B3GNT7: variants seen among roughly 807,000 people sequenced by gnomAD.
B3GNT7 encodes BGnT-7.
A neutral mutation model predicts 5.1 loss-of-function variants in B3GNT7; 9 were observed. The ratio of observed to expected loss-of-function variants is 1.77; its 90% CI spans 1.07 to 3.09. The LOEUF is 3.09. B3GNT7 is among the 30% of genes most tolerant of loss of function. The pLI, the probability that B3GNT7 is intolerant of heterozygous loss-of-function variation, is 0.00. For synonymous variants in B3GNT7, 253 were observed against 248.6 expected, an observed-to-expected ratio of 1.02 and a Z score of -0.17; for missense variants, 468 against 550.8, an observed-to-expected ratio of 0.85 and a Z score of 1.50.
Position 231,398,647 on chromosome 2 carries a change from G to C in B3GNT7, c.928G>C (p.Ala310Pro). 6.2e-7 allele frequency: 1 copy of C among 1,611,918 alleles called. No individual in the cohort carries two copies. Among genetic ancestry groups the C allele is most frequent in the Non-Finnish European group, 8.5e-7 (1 of 1,179,578 alleles). ...GGGFLMAGSL[A>P]RRLHHACDTL... Reference sequence around the variant, plus strand: ...TGGCTTCCTCATGGCCGGCAGCCTGGCCCGGCGCCTGCACCATGCCTGCGA... The same window carrying C: ...TGGCTTCCTCATGGCCGGCAGCCTGCCCCGGCGCCTGCACCATGCCTGCGA... Residue 310 changes from alanine (A) to proline (P), a missense_variant, in exon 2 of 2, where the codon GCC becomes CCC. Transcript: ENST00000287590.
rs13025087 is a variant in B3GNT7, at chr2:231,400,203, G to T, written c.*1278G>T. On this transcript the variant is annotated 3_prime_UTR_variant, in exon 2 of 2. Coordinates refer to ENST00000287590, the MANE Select transcript of B3GNT7 (RefSeq NM_145236.3). The stretch of plus-strand genomic sequence containing the variant: ...CCAGAGATTTCTGAAGACACAGCTT[G>T]TTCCTTGTTCTTGGCTGGTGGGTGC... 32,670 of 140,940 alleles carry T rather than the reference G, an allele frequency of 0.23. 3,807 individuals are homozygous for T. Among genetic ancestry groups the T allele is most frequent in the Middle Eastern group, 0.37 (96 of 260 alleles). 8.7% of individuals were successfully genotyped at this position (140,940 alleles called of 1,614,324 possible).
At chr2:231,396,210 G>C (rs1291568482) in intron 1 of B3GNT7, among the ~76,000 whole-genome samples, 1 of 151,994 alleles carries the variant, frequency 6.6e-6, no homozygotes, top group Non-Finnish European at 1.5e-5. Context: ...TCCTTCCGCG[G>C]GACCTCGGAC....
intron 1 of B3GNT7, among the ~76,000 whole-genome samples, chr2:231,396,136 C>G (rs1314788702): frequency 2.0e-5 from 3 of 151,916 alleles, no homozygotes; most frequent in Non-Finnish European, 4.4e-5. Context: ...GCAGCTGGGT[C>G]CCCTCTCCCT....
chr2:231,398,233 C>T lies in B3GNT7; in HGVS notation c.514C>T (p.Arg172Cys), dbSNP rs201305904. Residue 172 changes from arginine (R) to cysteine (C), a missense_variant, in exon 2 of 2, where the codon CGC becomes TGC. Coordinates refer to ENST00000287590, the MANE Select transcript of B3GNT7 (RefSeq NM_145236.3). ...CGCGGGTGGGGGCCGAGGCGCCGTG[C>T]GCACCCTCTTCCTGCTGGGCACGGC... Reference protein sequence around the residue: ...QSAGGGRGAVRTLFLLGTASK... With the variant: ...QSAGGGRGAVCTLFLLGTASK... The T allele has an allele frequency of 4.4e-6, 7 of 1,609,058 alleles. No homozygotes were observed. The Admixed American group carries it at 8.4e-5, about 19-fold the overall frequency.
chr2:231,398,284 T>C lies in B3GNT7; in HGVS notation c.565T>C (p.Tyr189His). The change falls in exon 2 of 2, where the codon TAC becomes CAC. Residue 189 changes from tyrosine to histidine, a missense_variant. By Grantham distance (83) the Tyr-to-His change is moderately conservative. Transcript: ENST00000287590. ...TASKQEERTHYQQLLAYEDRL... is the reference protein window; with the variant it reads ...TASKQEERTHHQQLLAYEDRL... Reference sequence around the variant, plus strand: ...CTCCAAGCAGGAGGAGCGCACGCACTACCAGCAGCTGCTGGCCTACGAAGA... The same window carrying C: ...CTCCAAGCAGGAGGAGCGCACGCACCACCAGCAGCTGCTGGCCTACGAAGA... 6.2e-7 allele frequency: 1 copy of C among 1,613,018 alleles called. No homozygotes were observed. The highest frequency in any genetic ancestry group is 8.5e-7 in the Non-Finnish European group (1 of 1,179,856).
intron 1 of B3GNT7, among the ~76,000 whole-genome samples, chr2:231,396,804 G>A (rs2046519240): frequency 6.6e-6 from 1 of 152,154 alleles, no homozygotes. Flanking sequence ...TTCAGGACAG[G>A]GGCTCAGGCC....
chr2:231,395,831 G>C lies in B3GNT7; in HGVS notation c.11+17G>C. The C allele has an allele frequency of 8.6e-7, 1 of 1,163,442 alleles. No individual in the cohort carries two copies. 72.1% of individuals were successfully genotyped at this position (1,163,442 alleles called of 1,614,324 possible). ...GTCGCTGTGGTGAGTGGGGCTGGGG[G>C]CCGTCGGGGGCCTGGGCGGGGGCGT... On this transcript the variant is annotated intron_variant, in intron 1 of 1. Transcript: ENST00000287590. The surrounding 1 kb of genome is among the most constrained non-coding windows in gnomAD (Gnocchi z 7.3).
Position 231,395,835 on chromosome 2 carries a change from TCGGGGGCCTGGG to T in B3GNT7, c.11+29_11+40del. The T allele has an allele frequency of 3.5e-6, 4 of 1,148,300 alleles. No individual in the cohort carries two copies. The highest frequency in any genetic ancestry group is 4.3e-5 in the South Asian group (1 of 23,418). The allele number at this position is 1,148,300 out of a possible 1,614,324, so 71.1% of individuals were successfully genotyped here. ...CTGTGGTGAGTGGGGCTGGGGGCCGTCGGGGGCCTGGGCGGGGGCGTGGGCCCGGGGCTCCCC... is the reference window on the plus strand; with the variant it reads ...CTGTGGTGAGTGGGGCTGGGGGCCGTCGGGGGCGTGGGCCCGGGGCTCCCC... On this transcript the variant is annotated intron_variant, in intron 1 of 1. Coordinates refer to ENST00000287590, the MANE Select transcript of B3GNT7 (RefSeq NM_145236.3). This position sits in a 1 kb window ranked among gnomAD's most constrained non-coding sequence, Gnocchi z 7.3.
chr2:231,397,165 C>T (rs1451757390), intron 1 of B3GNT7: 3 of 985,022 alleles, frequency 3.0e-6, no homozygotes, highest in Non-Finnish European at 2.4e-6. Flanking sequence ...AGCCACTCTC[C>T]AATGTGCCCC....
chr2:231,398,729 T>G lies in B3GNT7; in HGVS notation c.1010T>G (p.Leu337Arg). 1 of 1,611,348 alleles carries G rather than the reference T, an allele frequency of 6.2e-7. No homozygotes were observed. Among genetic ancestry groups the G allele is most frequent in the Non-Finnish European group, 8.5e-7 (1 of 1,179,840 alleles). Residue 337 changes from leucine (L) to arginine (R), a missense_variant, in exon 2 of 2, where the codon CTG (leucine) becomes CGG (arginine). Physicochemically the swap from Leu to Arg is moderately radical, Grantham distance 102. Coordinates refer to ENST00000287590, the MANE Select transcript of B3GNT7 (RefSeq NM_145236.3). ...DVFLGMCLEV[L>R]GVQPTAHEGF... Reference sequence around the variant, plus strand: ...TTTCTGGGCATGTGCCTGGAGGTGCTGGGCGTGCAGCCCACGGCCCACGAG... The same window carrying G: ...TTTCTGGGCATGTGCCTGGAGGTGCGGGGCGTGCAGCCCACGGCCCACGAG...
rs923075235 is a variant in B3GNT7, at chr2:231,398,586, C to T, written c.867C>T (p.Tyr289=). The change falls in exon 2 of 2, where the codon TAC becomes TAT. Residue 289 remains tyrosine, a synonymous_variant. Transcript: ENST00000287590. ...DNKYYIPGAL[Y]GKASYPPYAG... ...AATACTACATCCCGGGGGCCCTGTA[C>T]GGCAAGGCCAGCTATCCGCCGTATG... The T allele has an allele frequency of 1.7e-5, 28 of 1,612,634 alleles. No homozygotes were observed. Among genetic ancestry groups the T allele is most frequent in the Middle Eastern group, 3.3e-4 (2 of 6,080 alleles).
In B3GNT7 at chr2:231,398,534, C is replaced by G; in HGVS notation, c.815C>G (p.Ala272Gly). The G allele has an allele frequency of 6.2e-7, 1 of 1,613,624 alleles. No homozygotes were observed. Among genetic ancestry groups the G allele is most frequent in the Non-Finnish European group, 8.5e-7 (1 of 1,179,816 alleles). The change falls in exon 2 of 2, where the codon GCT becomes GGT. Residue 272 changes from alanine to glycine, a missense_variant. Ala to Gly is a moderately conservative substitution (Grantham distance 60, BLOSUM62 0). Transcript: ENST00000287590. ...TTCGTGGGCGATGTCCTGCAGCACG[C>G]TCGGCCCATTCGCAGGAAAGACAAC... The part of the protein sequence containing the change: ...NLFVGDVLQH[A>G]RPIRRKDNKY...
At chr2:231,396,529 C>T (rs1026922112) in intron 1 of B3GNT7, among the ~76,000 whole-genome samples, 3 of 152,232 alleles carry the variant, frequency 2.0e-5, no homozygotes, top group African/African-American at 7.2e-5. Context: ...GAAAATGTCG[C>T]TCTATGGGGC....
rs1441660086 is a variant in B3GNT7 at position 231,399,701 on chromosome 2, C to T, written c.*776C>T. 6.6e-6 allele frequency: 1 copy of T among 152,436 alleles called. No individual in the cohort carries two copies. The highest frequency in any genetic ancestry group is 1.9e-4 in the East Asian group (1 of 5,208). The allele number at this position is 152,436 out of a possible 1,614,324, so 9.4% of individuals were successfully genotyped here. A position where few individuals can be genotyped will look rare whatever the true frequency, so the allele number is the denominator to read the frequency against. On this transcript the variant is annotated 3_prime_UTR_variant, in exon 2 of 2. Transcript: ENST00000287590. ...CCAGGCAAGTCTCTCCCGCAGCCCC[C>T]ACACCCCCAGGCCTGGCTCCCTGGC...
In B3GNT7 at chr2:231,395,862, C is replaced by CG; in HGVS notation, c.11+52dup. The CG allele has an allele frequency of 8.9e-7, 1 of 1,125,222 alleles. No individual in the cohort carries two copies. Among genetic ancestry groups the CG allele is most frequent in the Non-Finnish European group, 1.1e-6 (1 of 910,582 alleles). The allele number at this position is 1,125,222 out of a possible 1,614,324, so 69.7% of individuals were successfully genotyped here. A position where few individuals can be genotyped will look rare whatever the true frequency, so the allele number is the denominator to read the frequency against. On this transcript the variant is annotated intron_variant, in intron 1 of 1. Coordinates refer to ENST00000287590, the MANE Select transcript of B3GNT7 (RefSeq NM_145236.3). This position sits in a 1 kb window ranked among gnomAD's most constrained non-coding sequence, Gnocchi z 7.3. Reference sequence around the variant, plus strand: ...GGGGGCCTGGGCGGGGGCGTGGGCCCGGGGCTCCCCCTCCTCCGTGGCCAC... The same window carrying CG: ...GGGGGCCTGGGCGGGGGCGTGGGCCCGGGGGCTCCCCCTCCTCCGTGGCCAC...
At chr2:231,397,160 C>G (rs768129512) in intron 1 of B3GNT7, 73 of 984,776 alleles carry the variant, frequency 7.4e-5, no homozygotes, top group Non-Finnish European at 8.7e-5. Flanking sequence ...GCTCGAGCCA[C>G]TCTCCAATGT....
intron 1 of B3GNT7, 28 bp from the exon 2 acceptor site, chr2:231,397,703 C>T: frequency 6.3e-7 from 1 of 1,579,844 alleles, no homozygotes; most frequent in Non-Finnish European, 8.6e-7. Flanking sequence ...TTTTCTCTCT[C>T]CTCTGTACTG....
chr2:231,397,632 C>T, intron 1 of B3GNT7, 99 bp from the exon 2 acceptor site: 1 of 1,168,604 alleles, frequency 8.6e-7, no homozygotes, highest in Non-Finnish European at 1.2e-6. Context: ...CCCAGGTCCA[C>T]TTGCCCGTCT....
At position 231,395,928 on chromosome 2, in the gene B3GNT7, G is replaced by A. The variant is rs1328514244; in HGVS notation, c.11+114G>A. 9.0e-5 allele frequency: 64 copies of A among 708,460 alleles called. No individual in the cohort carries two copies. Among genetic ancestry groups the A allele is most frequent in the Admixed American group, 7.2e-4 (14 of 19,420 alleles). The allele number at this position is 708,460 out of a possible 1,614,324, so 43.9% of individuals were successfully genotyped here. A position where few individuals can be genotyped will look rare whatever the true frequency, so the allele number is the denominator to read the frequency against. On this transcript the variant is annotated intron_variant, in intron 1 of 1. Coordinates refer to ENST00000287590, the MANE Select transcript of B3GNT7 (RefSeq NM_145236.3). This position sits in a 1 kb window ranked among gnomAD's most constrained non-coding sequence, Gnocchi z 7.3. ...CTCCCGGGATAGGAGATGCCCCCGCGCGCGCCGCGCCGGCCTCAGTTTCCC... is the reference window on the plus strand; with the variant it reads ...CTCCCGGGATAGGAGATGCCCCCGCACGCGCCGCGCCGGCCTCAGTTTCCC...
Sources: allele counts gnomAD v4.1 joint callset (sites outside exome capture counted in the v4.1 genomes callset), GRCh38; gene constraint gnomAD v4.1.1; non-coding constraint Gnocchi (gnomAD v3.1); transcripts MANE v1.5; gene names NCBI Gene and HGNC (gene_info 2026-07-23, HGNC 2026-07-21).